Variants in UBQLN1 observed in about 807,000 individuals in gnomAD.
The protein encoded by UBQLN1 is ubiquilin 1.
UBQLN1 carries 13 observed loss-of-function variants against 65.4 expected under a neutral mutation model. The ratio of observed to expected loss-of-function variants is 0.20; its 90% CI spans 0.13 to 0.32. The LOEUF (loss-of-function observed/expected upper bound fraction) is 0.32. Among genes scored for constraint, UBQLN1 ranks in the 10% least tolerant of loss-of-function variants. The pLI, the probability that UBQLN1 is intolerant of heterozygous loss-of-function variation, is 1.00. For synonymous variants in UBQLN1, 267 were observed against 247.8 expected (o/e 1.08, Z -0.73); for missense variants, 561 against 724.0 (o/e 0.77, Z 2.58).
intron 7 of UBQLN1, 147 bp from the exon 8 acceptor site, chr9:83,666,580 T>TA (rs1288937486): frequency 1.5e-6 from 1 of 683,518 alleles, no homozygotes; most frequent in Non-Finnish European, 2.4e-6. Flanking sequence ...AAAGGGAAGA[T>TA]ACTGTCCACA....
At chr9:83,689,723 T>C (rs997226809) in intron 1 of UBQLN1, among the ~76,000 whole-genome samples, 1 of 152,218 alleles carries the variant, frequency 6.6e-6, no homozygotes. Context: ...GGGCACCATA[T>C]ACTGGACTAT....
intron 1 of UBQLN1, among the ~76,000 whole-genome samples, chr9:83,705,518 C>T (rs1832387834): frequency 1.3e-5 from 2 of 152,232 alleles, no homozygotes; most frequent in Admixed American, 1.3e-4. Context: ...GCTGGGATTA[C>T]AGGTGTGAGC....
At chr9:83,670,134 C>G (rs1375325493) in intron 6 of UBQLN1, among the ~76,000 whole-genome samples, 1 of 151,948 alleles carries the variant, frequency 6.6e-6, no homozygotes, top group Admixed American at 6.6e-5. Flanking sequence ...TCTTTGAAAA[C>G]TAAGTTAATT....
rs1415437547 is a variant in UBQLN1 at position 83,679,872 on chromosome 9, A to C, written c.614T>G (p.Met205Arg). Residue 205 changes from methionine to arginine, a missense_variant, in exon 4 of 11, where the codon ATG becomes AGG. By Grantham distance (91) the Met-to-Arg change is moderately conservative. Coordinates refer to ENST00000376395, the MANE Select transcript of UBQLN1 (RefSeq NM_013438.5). Reference sequence around the variant, plus strand: ...TGGATTGGCCATAATTAACTGTCTCATCAGGTCAGGATTTGAGAGCATGCT... The same window carrying C: ...TGGATTGGCCATAATTAACTGTCTCCTCAGGTCAGGATTTGAGAGCATGCT... Reference protein sequence around the residue: ...VQSMLSNPDLMRQLIMANPQM... With the variant: ...VQSMLSNPDLRRQLIMANPQM... The C allele has an allele frequency of 6.2e-7, 1 of 1,614,166 alleles. No individual in the cohort carries two copies. The highest frequency in any genetic ancestry group is 8.5e-7 in the Non-Finnish European group (1 of 1,180,002).
chr9:83,673,574 A>C (rs1412933248), intron 6 of UBQLN1, among the ~76,000 whole-genome samples: 2 of 79,072 alleles, frequency 2.5e-5, no homozygotes, highest in South Asian at 4.4e-4. Context: ...AAAACAAAAA[A>C]AAAAAACTGC....
intron 2 of UBQLN1, 141 bp from the exon 3 acceptor site, chr9:83,683,207 T>C (rs111598880): frequency 2.0e-6 from 1 of 506,032 alleles, no homozygotes; most frequent in African/African-American, 2.0e-5. Context: ...GGTCAAGAGA[T>C]AGAGAACATC....
chr9:83,691,582 A>G (rs1832130090), intron 1 of UBQLN1, among the ~76,000 whole-genome samples: 1 of 152,200 alleles, frequency 6.6e-6, no homozygotes, highest in Non-Finnish European at 1.5e-5. Flanking sequence ...TACACCACAC[A>G]TTCGAAAATT....
chr9:83,674,703 A>G (rs1831800799), intron 6 of UBQLN1, among the ~76,000 whole-genome samples: 1 of 152,210 alleles, frequency 6.6e-6, no homozygotes, highest in Non-Finnish European at 1.5e-5. Flanking sequence ...AATGATTCTG[A>G]GTGCTATTTC....
At chr9:83,706,260 G>A (rs1832404336) in intron 1 of UBQLN1, among the ~76,000 whole-genome samples, 1 of 152,094 alleles carries the variant, frequency 6.6e-6, no homozygotes, top group African/African-American at 2.4e-5. Context: ...CTTGATAATC[G>A]ATTATAATAC....
intron 7 of UBQLN1, chr9:83,667,983 G>A (rs1452004139): frequency 9.1e-6 from 9 of 985,194 alleles, no homozygotes; most frequent in Admixed American, 6.2e-5. Context: ...TTACAAAATT[G>A]CTACGCATGT....
intron 6 of UBQLN1, among the ~76,000 whole-genome samples, chr9:83,670,988 TCTCG>T (rs1831720237): frequency 6.6e-6 from 1 of 151,872 alleles, no homozygotes; most frequent in South Asian, 2.1e-4. Context: ...TGAGATGGAG[TCTCG>T]CTTTTGTCAC....
Position 83,686,013 on chromosome 9 carries a change from G to C in UBQLN1, c.323C>G (p.Thr108Arg). 6.2e-7 allele frequency: 1 copy of C among 1,604,552 alleles called. No homozygotes were observed. Among genetic ancestry groups the C allele is most frequent in the Non-Finnish European group, 8.5e-7 (1 of 1,176,688 alleles). Residue 108 changes from threonine to arginine, a missense_variant, in exon 2 of 11, where the codon ACA (threonine) becomes AGA (arginine). Physicochemically the swap from Thr to Arg is moderately conservative, Grantham distance 71. Transcript: ENST00000376395. ...DGLTVHLVIKTQNRPQDHSAQ... is the reference protein window; with the variant it reads ...DGLTVHLVIKRQNRPQDHSAQ... ...TCTTCCAAAACCATACCTGTTTTGT[G>C]TTTTAATGACAAGGTGAACAGTAAG...
At chr9:83,706,599 T>C (rs890713645) in intron 1 of UBQLN1, among the ~76,000 whole-genome samples, 13 of 152,352 alleles carry the variant, frequency 8.5e-5, no homozygotes, top group African/African-American at 3.1e-4. Flanking sequence ...AGAGATTAAG[T>C]CAGTAATTAT....
chr9:83,707,815 G>T lies in UBQLN1; in HGVS notation c.-136C>A. 7.6e-7 allele frequency: 1 copy of T among 1,309,646 alleles called. No homozygotes were observed. Among genetic ancestry groups the T allele is most frequent in the Non-Finnish European group, 1.0e-6 (1 of 1,003,354 alleles). 81.1% of individuals were successfully genotyped at this position (1,309,646 alleles called of 1,614,324 possible). A position where few individuals can be genotyped will look rare whatever the true frequency, so the allele number is the denominator to read the frequency against. On this transcript the variant is annotated 5_prime_UTR_variant, in exon 1 of 11. Transcript: ENST00000376395. ...GCACGCCGCCTCAGTAGCAACGGGC[G>T]CAGGGCCACCGTAGCGGGTGTGGGG...
chr9:83,704,797 G>A (rs946283729), intron 1 of UBQLN1, among the ~76,000 whole-genome samples: 5 of 141,424 alleles, frequency 3.5e-5, no homozygotes, highest in Non-Finnish European at 7.5e-5. Flanking sequence ...TTGCACTCCA[G>A]CCTGGGGGGT....
chr9:83,675,311 G>A (rs1020406068), intron 6 of UBQLN1, among the ~76,000 whole-genome samples: 2 of 152,094 alleles, frequency 1.3e-5, no homozygotes, highest in African/African-American at 2.4e-5. Flanking sequence ...ATATGAATTC[G>A]TTTTTGTTAG....
chr9:83,678,171 A>G (rs569506244), intron 5 of UBQLN1, among the ~76,000 whole-genome samples: 3 of 151,582 alleles, frequency 2.0e-5, no homozygotes, highest in East Asian at 3.9e-4. Context: ...ACAGGCGCCC[A>G]CCACCACGCC....
intron 9 of UBQLN1, 21 bp from the exon 10 acceptor site, chr9:83,664,064 A>T (rs1363992691): frequency 6.2e-7 from 1 of 1,608,520 alleles, no homozygotes; most frequent in Non-Finnish European, 8.5e-7. Flanking sequence ...CACAAATAGG[A>T]AATATCCTAA....
intron 6 of UBQLN1, among the ~76,000 whole-genome samples, chr9:83,676,485 T>G (rs1831834406): frequency 6.6e-6 from 1 of 152,178 alleles, no homozygotes; most frequent in African/African-American, 2.4e-5. Flanking sequence ...TGCAACCCTC[T>G]CAAAAGATTG....
Sources: gnomAD v4.1 joint callset for allele counts (sites outside exome capture counted in the v4.1 genomes callset) on GRCh38, gnomAD v4.1.1 for gene constraint, MANE v1.5 for transcripts, NCBI Gene and HGNC (gene_info 2026-07-23, HGNC 2026-07-21) for gene names.